Variants in PTPRN2 observed in about 807,000 individuals in gnomAD.
PTPRN2 encodes protein tyrosine phosphatase receptor type N2, also known as receptor-type tyrosine-protein phosphatase N2.
A neutral mutation model predicts 118.8 loss-of-function variants in PTPRN2; 74 were observed. That is an observed-to-expected ratio of 0.62 (90% CI 0.52 to 0.76). The LOEUF (loss-of-function observed/expected upper bound fraction) is 0.76. Among genes scored for constraint, PTPRN2 ranks in the 30% least tolerant of loss-of-function variants. PTPRN2 has a pLI of 0.00. For missense variants in PTPRN2, 1,481 were observed against 1,394.4 expected, an observed-to-expected ratio of 1.06 and a Z score of -0.99; for synonymous variants, 641 against 608.0, an observed-to-expected ratio of 1.05 and a Z score of -0.80.
chr7:158,386,048 CGTGCCG>C (rs1811327659), intron 2 of PTPRN2, among the ~76,000 whole-genome samples: 1 of 84,460 alleles, frequency 1.2e-5, no homozygotes, highest in Non-Finnish European at 2.2e-5. Context: ...TCCCTCCTCC[CGTGCCG>C]AGTCCCTCCT....
chr7:158,194,138 TGTGTAA>T (rs1428069078), intron 4 of PTPRN2, among the ~76,000 whole-genome samples: 1 of 148,302 alleles, frequency 6.7e-6, no homozygotes, highest in Non-Finnish European at 1.5e-5. Context: ...TGTGTGAGTT[TGTGTAA>T]GTGTGTGTGT....
chr7:157,879,075 G>C (rs1159699567), intron 12 of PTPRN2, among the ~76,000 whole-genome samples: 1 of 146,864 alleles, frequency 6.8e-6, no homozygotes, highest in East Asian at 2.0e-4. Context: ...CAGATTCCAT[G>C]GGGCTGGAAG....
chr7:157,701,993 G>C (rs566024783), intron 12 of PTPRN2, among the ~76,000 whole-genome samples: 4 of 146,210 alleles, frequency 2.7e-5, no homozygotes, highest in African/African-American at 1.0e-4. Flanking sequence ...TAAGAGAGCC[G>C]GGTAGGTGCT....
chr7:157,556,618 C>A (rs1469765848), intron 21 of PTPRN2, among the ~76,000 whole-genome samples: 1 of 151,338 alleles, frequency 6.6e-6, no homozygotes, highest in Non-Finnish European at 1.5e-5. Context: ...CCCCACACAT[C>A]ATACATATGC....
At chr7:158,484,933 G>A (rs1820895096) in intron 2 of PTPRN2, among the ~76,000 whole-genome samples, 1 of 152,216 alleles carries the variant, frequency 6.6e-6, no homozygotes, top group Non-Finnish European at 1.5e-5. Flanking sequence ...GGAGTCGGCT[G>A]CAGGAGGAGC....
At chr7:158,156,607 GTCAGACGCTCGGCATGA>G (rs1273068271) in intron 6 of PTPRN2, among the ~76,000 whole-genome samples, 4 of 152,230 alleles carry the variant, frequency 2.6e-5, no homozygotes, top group African/African-American at 7.2e-5. Context: ...CACAGCTGCA[GTCAGACGCTCGGCATGA>G]TCAGACCCAA....
chr7:157,716,978 A>T (rs10949660), intron 12 of PTPRN2, among the ~76,000 whole-genome samples: 3 of 43,912 alleles, frequency 6.8e-5, no homozygotes, highest in Admixed American at 2.3e-4. Context: ...GTAGACTCTG[A>T]GGGAACACTG....
chr7:157,661,644 A>ATTAT (rs138774909), intron 13 of PTPRN2, among the ~76,000 whole-genome samples: 57,453 of 151,012 alleles, frequency 0.38, 11,847 homozygotes, highest in Non-Finnish European at 0.48. Context: ...TGGCAGTGAT[A>ATTAT]AGGCCAGGAA....
At chr7:158,200,323 T>G (rs945280922) in intron 4 of PTPRN2, among the ~76,000 whole-genome samples, 6 of 152,164 alleles carry the variant, frequency 3.9e-5, no homozygotes, top group African/African-American at 1.4e-4. Context: ...TTAAGGGAGA[T>G]GCAGGCACCA....
At chr7:158,407,291 GGTCCTGC>G (rs1813619412) in intron 2 of PTPRN2, among the ~76,000 whole-genome samples, 1 of 43,698 alleles carries the variant, frequency 2.3e-5, no homozygotes, top group African/African-American at 1.2e-4. Context: ...CTGGGTCCTG[GGTCCTGC>G]GTCCTGGGTC....
At chr7:157,968,177 G>A (rs1293732993) in intron 11 of PTPRN2, among the ~76,000 whole-genome samples, 3 of 152,090 alleles carry the variant, frequency 2.0e-5, no homozygotes, top group Non-Finnish European at 4.4e-5. Context: ...GGTGTTTTAT[G>A]GTTTACAAGG....
chr7:158,405,769 C>T lies in PTPRN2; in HGVS notation c.163+83966G>A, dbSNP rs73516695. Among the ~76,000 whole-genome samples the T allele has an allele frequency of 2.5e-3, 385 of 152,328 alleles. 1 individual carries two copies. Among genetic ancestry groups the T allele is most frequent in the African/African-American group, 8.6e-3 (359 of 41,528 alleles). On this transcript the variant is annotated intron_variant, in intron 2 of 22. Coordinates refer to ENST00000389418, the MANE Select transcript of PTPRN2 (RefSeq NM_002847.5). Reference sequence around the variant, plus strand: ...CAAAGTGAAATGCTGCATACCACGACCACAAGTGGCTTATCCATGCATGTG... The same window carrying T: ...CAAAGTGAAATGCTGCATACCACGATCACAAGTGGCTTATCCATGCATGTG...
chr7:158,457,400 G>A (rs532070110), intron 2 of PTPRN2, among the ~76,000 whole-genome samples: 2 of 152,322 alleles, frequency 1.3e-5, no homozygotes, highest in African/African-American at 4.8e-5. Context: ...GCCTTGATAA[G>A]CAGACACCAC....
intron 2 of PTPRN2, among the ~76,000 whole-genome samples, chr7:158,378,246 G>T (rs147506525): frequency 6.6e-6 from 1 of 152,176 alleles, no homozygotes; most frequent in African/African-American, 2.4e-5. Flanking sequence ...TTACATAATG[G>T]TTGGAGGCTG....
chr7:158,126,653 C>T (rs1330783396), intron 9 of PTPRN2, among the ~76,000 whole-genome samples: 5 of 143,768 alleles, frequency 3.5e-5, no homozygotes, highest in Middle Eastern at 3.5e-3. Context: ...TCCTCTCCAC[C>T]ACACCAGCCC....
chr7:157,551,555 A>T (rs1168616629), intron 21 of PTPRN2, among the ~76,000 whole-genome samples: 11 of 119,292 alleles, frequency 9.2e-5, no homozygotes, highest in Non-Finnish European at 1.6e-4. Flanking sequence ...GCCACCACAC[A>T]CCCCACGCAC....
intron 9 of PTPRN2, among the ~76,000 whole-genome samples, chr7:158,126,584 AGCGGGCGGCG>A: frequency 1.4e-5 from 1 of 71,742 alleles, no homozygotes. Context: ...CCCCCAGGAC[AGCGGGCGGCG>A]GAACTTCCTC....
chr7:158,224,597 A>G (rs1160554669), intron 3 of PTPRN2, among the ~76,000 whole-genome samples: 1 of 152,236 alleles, frequency 6.6e-6, no homozygotes, highest in African/African-American at 2.4e-5. Context: ...ACTCATGGAC[A>G]TAAATGTAAA....
At chr7:157,800,443 G>A (rs1174972722) in intron 12 of PTPRN2, among the ~76,000 whole-genome samples, 1 of 152,126 alleles carries the variant, frequency 6.6e-6, no homozygotes, top group Non-Finnish European at 1.5e-5. Flanking sequence ...AACAGTGTCT[G>A]GCCCCTCAAA....
Sources: gnomAD v4.1 joint callset for allele counts (sites outside exome capture counted in the v4.1 genomes callset) on GRCh38, gnomAD v4.1.1 for gene constraint, MANE v1.5 for transcripts, NCBI Gene and HGNC (gene_info 2026-07-23, HGNC 2026-07-21) for gene names.